ZFAND2A: variants seen among roughly 807,000 people sequenced by gnomAD.
ZFAND2A encodes zinc finger AN1-type containing 2A.
ZFAND2A carries 20 observed loss-of-function variants against 11.6 expected under a neutral mutation model. The observed-to-expected ratio is 1.72, with a 90% CI of 1.21 to 2.50. The LOEUF is 2.50. ZFAND2A is among the 30% of genes most tolerant of loss of function. The probability of loss-of-function intolerance (pLI) is 0.00; values close to 1 mark genes in which losing one functional copy is unlikely to be tolerated. For synonymous variants in ZFAND2A, 93 were observed against 60.6 expected, an observed-to-expected ratio of 1.54 and a Z score of -2.48; for missense variants, 234 against 182.9, an observed-to-expected ratio of 1.28 and a Z score of -1.61.
intron 4 of ZFAND2A, among the ~76,000 whole-genome samples, chr7:1,155,210 G>A (rs1219638688): frequency 6.6e-6 from 1 of 152,188 alleles, no homozygotes; most frequent in East Asian, 1.9e-4. Flanking sequence ...TCTCAGGAGG[G>A]AAACTAGTAA....
At chr7:1,152,304 C>G (rs1793414122), downstream of ZFAND2A, 1 of 1,583,906 alleles carries the variant, frequency 6.3e-7, no homozygotes. Flanking sequence ...GTGAGGAAAT[C>G]TCCCAACGGC....
Position 1,157,666 on chromosome 7 carries a change from G to A in ZFAND2A, c.140C>T (p.Ala47Val). 5.7e-6 allele frequency: 9 copies of A among 1,578,586 alleles called. No homozygotes were observed. The South Asian group carries it at 8.3e-5, about 15-fold the overall frequency. Reference protein sequence around the residue: ...FPYAAHKCPFAFQKDVHVPVC... With the variant: ...FPYAAHKCPFVFQKDVHVPVC... ...CAAAGGATCAATTACCTTCTGGAAT[G>A]CAAACGGACACTTATGTGCAGCGTA... The change falls in exon 3 of 5, where the codon GCA (alanine) becomes GTA (valine). Residue 47 changes from alanine (A) to valine (V), a missense_variant. Physicochemically the swap from Ala to Val is moderately conservative, Grantham distance 64. Coordinates refer to ENST00000316495, the MANE Select transcript of ZFAND2A (RefSeq NM_182491.4).
intron 3 of ZFAND2A, among the ~76,000 whole-genome samples, chr7:1,155,873 C>T (rs1162283966): frequency 6.6e-6 from 1 of 152,226 alleles, no homozygotes; most frequent in African/African-American, 2.4e-5. Context: ...CAGGTGAGAA[C>T]AGAGCCTGCC....
In ZFAND2A at chr7:1,157,758, A is replaced by T; in HGVS notation, c.56-8T>A. On this transcript the variant is annotated splice_region_variant and splice_polypyrimidine_tract_variant and intron_variant, in intron 2 of 4. Transcript: ENST00000316495. Reference sequence around the variant, plus strand: ...ATTTTACTGGAAGAAAATCTAAAAAACAAAAAACAGGGAAGTGTTTTAACG... The same window carrying T: ...ATTTTACTGGAAGAAAATCTAAAAATCAAAAAACAGGGAAGTGTTTTAACG... 1 of 1,544,722 alleles carries T rather than the reference A, an allele frequency of 6.5e-7. No homozygotes were observed. The highest frequency in any genetic ancestry group is 8.7e-7 in the Non-Finnish European group (1 of 1,148,814).
chr7:1,152,292 G>C (rs563437087), downstream of ZFAND2A: 48 of 1,585,976 alleles, frequency 3.0e-5, 1 homozygote, highest in East Asian at 8.5e-4. Flanking sequence ...CCAGGAGCCA[G>C]GGTGAGGAAA....
chr7:1,159,540 C>A (rs553254411), intron 1 of ZFAND2A, among the ~76,000 whole-genome samples: 2 of 114,264 alleles, frequency 1.8e-5, no homozygotes, highest in South Asian at 3.4e-4. Context: ...ACAGCCAGAC[C>A]CCGGCAGGCC....
chr7:1,150,345 G>C (rs1211310784), downstream of ZFAND2A, among the ~76,000 whole-genome samples: 2 of 142,704 alleles, frequency 1.4e-5, no homozygotes, highest in African/African-American at 5.4e-5. Context: ...GCAGTGGCTT[G>C]TGTTTTTGTG....
At chr7:1,149,776 C>T (rs1186500880), downstream of ZFAND2A, among the ~76,000 whole-genome samples, 3 of 152,010 alleles carry the variant, frequency 2.0e-5, no homozygotes, top group Admixed American at 6.5e-5. Context: ...CAAACCTAGG[C>T]GTGGTGCGGT....
chr7:1,152,312 G>C, downstream of ZFAND2A: 8 of 1,581,814 alleles, frequency 5.1e-6, no homozygotes, highest in Non-Finnish European at 6.9e-6. Context: ...ATCTCCCAAC[G>C]GCCTGGATTC....
chr7:1,155,519 T>C lies in ZFAND2A; in HGVS notation c.216A>G (p.Pro72=). 1.2e-6 allele frequency: 2 copies of C among 1,613,974 alleles called. No individual in the cohort carries two copies. Among genetic ancestry groups the C allele is most frequent in the Non-Finnish European group, 1.7e-6 (2 of 1,179,928 alleles). The change falls in exon 4 of 5, where the codon CCA becomes CCG. Residue 72 remains proline (P), a synonymous_variant. Coordinates refer to ENST00000316495, the MANE Select transcript of ZFAND2A (RefSeq NM_182491.4). ...TPIPVKKGQI[P]DVVVGDHIDR... ...CAATGTGATCACCAACCACCACGTCTGGTATCTGGCCCTTTTTTACTGGGA... is the reference window on the plus strand; with the variant it reads ...CAATGTGATCACCAACCACCACGTCCGGTATCTGGCCCTTTTTTACTGGGA...
At chr7:1,159,435 GC>G (rs1793621833) in intron 1 of ZFAND2A, among the ~76,000 whole-genome samples, 1 of 151,798 alleles carries the variant, frequency 6.6e-6, no homozygotes, top group African/African-American at 2.4e-5. Flanking sequence ...GGCAGGCCCG[GC>G]CCCCAGCAGA....
chr7:1,150,010 G>A (rs1374079342), downstream of ZFAND2A, among the ~76,000 whole-genome samples: 1 of 151,830 alleles, frequency 6.6e-6, no homozygotes, highest in Admixed American at 6.6e-5. Context: ...GCACCACCAC[G>A]CCCGGCTAAT....
At chr7:1,151,762 T>TAAAAGAAAAAA (rs1554344525), downstream of ZFAND2A, among the ~76,000 whole-genome samples, 18 of 87,176 alleles carry the variant, frequency 2.1e-4, 1 homozygote, top group Admixed American at 3.7e-4. Context: ...TCATCCCTTT[T>TAAAAGAAAAAA]AAAAAAAAAA....
At chr7:1,156,592 G>A (rs1339859688) in intron 3 of ZFAND2A, among the ~76,000 whole-genome samples, 1 of 151,948 alleles carries the variant, frequency 6.6e-6, no homozygotes, top group Non-Finnish European at 1.5e-5. Context: ...GGGCTCCGAA[G>A]GGGTGGACCG....
At chr7:1,159,434 G>A (rs929628818) in intron 1 of ZFAND2A, among the ~76,000 whole-genome samples, 7 of 152,252 alleles carry the variant, frequency 4.6e-5, no homozygotes, top group Non-Finnish European at 7.4e-5. Flanking sequence ...TGGCAGGCCC[G>A]GCCCCCAGCA....
At chr7:1,151,774 AGC>A (rs200132488), downstream of ZFAND2A, among the ~76,000 whole-genome samples, 15,051 of 138,138 alleles carry the variant, frequency 0.11, 1,181 homozygotes, top group African/African-American at 0.22. Context: ...AAAAAAAAAA[AGC>A]AAAGCCAGCC....
downstream of ZFAND2A, among the ~76,000 whole-genome samples, chr7:1,150,598 G>A (rs1020366110): frequency 2.0e-5 from 3 of 152,154 alleles, no homozygotes; most frequent in African/African-American, 7.2e-5. Flanking sequence ...CACGAAGGCC[G>A]CATCTGTCAT....
chr7:1,158,011 C>A, intron 2 of ZFAND2A, 147 bp downstream of exon 2: 1 of 857,728 alleles, frequency 1.2e-6, no homozygotes, highest in Non-Finnish European at 1.9e-6. Context: ...CTGGTGGATG[C>A]TAAGTGTCAA....
At chr7:1,158,118 C>G (rs767826566) in intron 2 of ZFAND2A, 40 bp downstream of exon 2, 2 of 1,599,638 alleles carry the variant, frequency 1.3e-6, no homozygotes, top group Admixed American at 1.7e-5. Context: ...TTTCCCCCAA[C>G]AAAATACCAT....
Sources: gnomAD v4.1 joint callset for allele counts (sites outside exome capture counted in the v4.1 genomes callset) on GRCh38, gnomAD v4.1.1 for gene constraint, MANE v1.5 for transcripts, NCBI Gene and HGNC (gene_info 2026-07-23, HGNC 2026-07-21) for gene names.